The following FGFR2 variants were observed in gnomAD, a reference collection of about 807,000 sequenced individuals.
FGFR2 encodes the protein BEK fibroblast growth factor receptor.
FGFR2 carries 19 observed loss-of-function variants against 95.9 expected under a neutral mutation model. That is an observed-to-expected ratio of 0.20 (90% CI 0.14 to 0.29). The LOEUF (loss-of-function observed/expected upper bound fraction) is 0.29, where lower values mean the gene tolerates loss of function less well. Among genes scored for constraint, FGFR2 ranks in the 10% least tolerant of loss-of-function variants. The pLI is 1.00. For synonymous variants in FGFR2, 392 were observed against 393.3 expected (o/e 1.00, Z 0.04); for missense variants, 707 against 1,056.9 (o/e 0.67, Z 4.59).
At chr10:121,592,764 C>A (rs909200698) in intron 2 of FGFR2, among the ~76,000 whole-genome samples, 2 of 152,162 alleles carry the variant, frequency 1.3e-5, no homozygotes, top group Non-Finnish European at 2.9e-5. Context: ...CGGACTGCTG[C>A]GGGTTCCTAA....
intron 2 of FGFR2, among the ~76,000 whole-genome samples, chr10:121,575,012 C>A (rs1249440072): frequency 6.6e-6 from 1 of 152,242 alleles, no homozygotes; most frequent in Non-Finnish European, 1.5e-5. Flanking sequence ...CAACAGCTAA[C>A]AGCCGCCTCT....
chr10:121,531,761 C>T lies in FGFR2; in HGVS notation c.748+6831G>A, dbSNP rs543469125. Among the ~76,000 whole-genome samples, 13 of 152,170 alleles carry T rather than the reference C, an allele frequency of 8.5e-5. No individual in the cohort carries two copies. The highest frequency in any genetic ancestry group is 2.0e-4 in the Admixed American group (3 of 15,272). On this transcript the variant is annotated intron_variant, in intron 6 of 17. Coordinates refer to ENST00000358487, the MANE Select transcript of FGFR2 (RefSeq NM_000141.5). This position sits in a 1 kb window ranked among gnomAD's most constrained non-coding sequence, Gnocchi z 4.5. Reference sequence around the variant, plus strand: ...TGGAAACAGAACTTGACACCCCTCTCCACGTAATTTCCACCTGAACCTCCA... The same window carrying T: ...TGGAAACAGAACTTGACACCCCTCTTCACGTAATTTCCACCTGAACCTCCA...
intron 4 of FGFR2, among the ~76,000 whole-genome samples, chr10:121,554,081 C>T (rs542026435): frequency 6.6e-6 from 1 of 152,322 alleles, no homozygotes; most frequent in South Asian, 2.1e-4. Flanking sequence ...AAAGCTACAC[C>T]TATAAAATCT....
At chr10:121,502,711 A>ACC (rs1847755676) in intron 10 of FGFR2, among the ~76,000 whole-genome samples, 1 of 152,236 alleles carries the variant, frequency 6.6e-6, no homozygotes, top group African/African-American at 2.4e-5. Flanking sequence ...GTAGCTGCTT[A>ACC]TAAGCAAGTC....
intron 12 of FGFR2, among the ~76,000 whole-genome samples, chr10:121,497,956 C>T (rs1847098223): frequency 6.6e-6 from 1 of 152,172 alleles, no homozygotes; most frequent in Non-Finnish European, 1.5e-5. Context: ...AATTACTTAG[C>T]AAATTGATTT....
At chr10:121,532,029 C>T (rs189919575) in intron 6 of FGFR2, among the ~76,000 whole-genome samples, 8 of 152,336 alleles carry the variant, frequency 5.3e-5, no homozygotes, top group East Asian at 1.9e-4. Flanking sequence ...TTTCTGCCCC[C>T]CTCCGGTGAG....
intron 5 of FGFR2, among the ~76,000 whole-genome samples, chr10:121,547,850 G>T (rs569381774): frequency 6.6e-6 from 1 of 152,156 alleles, no homozygotes; most frequent in Admixed American, 6.5e-5. Context: ...AGCTCCCCAT[G>T]GGGGAGGCCC....
At chr10:121,555,475 C>G (rs1055134624) in intron 4 of FGFR2, among the ~76,000 whole-genome samples, 1 of 152,172 alleles carries the variant, frequency 6.6e-6, no homozygotes, top group African/African-American at 2.4e-5. Context: ...GAAGAGCGGG[C>G]TTAAAGTCAG....
chr10:121,540,752 A>T lies in FGFR2; in HGVS notation c.625-2037T>A, dbSNP rs529246462. Among the ~76,000 whole-genome samples the T allele has an allele frequency of 5.6e-4, 85 of 152,266 alleles. 1 individual carries two copies. In the South Asian group the frequency reaches 0.01, roughly 19 times the overall value. On this transcript the variant is annotated intron_variant, in intron 5 of 17. Coordinates refer to ENST00000358487, the MANE Select transcript of FGFR2 (RefSeq NM_000141.5). Reference sequence around the variant, plus strand: ...TAATCCAGCATTTATCCCTGCTGTAAATATTCAGTTCTTTGAGCCCCCGCT... The same window carrying T: ...TAATCCAGCATTTATCCCTGCTGTATATATTCAGTTCTTTGAGCCCCCGCT...
chr10:121,568,230 G>A (rs536195477), intron 2 of FGFR2, among the ~76,000 whole-genome samples: 1 of 152,064 alleles, frequency 6.6e-6, no homozygotes, highest in African/African-American at 2.4e-5. Flanking sequence ...AGCTGAAGGG[G>A]CCCCAAACGC....
intron 4 of FGFR2, among the ~76,000 whole-genome samples, chr10:121,557,319 C>A (rs948517640): frequency 6.6e-6 from 1 of 152,124 alleles, no homozygotes; most frequent in African/African-American, 2.4e-5. Flanking sequence ...GCTTTTTCTT[C>A]TTTTTAAGAG....
At position 121,551,150 on chromosome 10, in the gene FGFR2, A is replaced by G. The variant is rs3135746; in HGVS notation, c.624+140T>C. On this transcript the variant is annotated intron_variant, in intron 5 of 17. Coordinates refer to ENST00000358487, the MANE Select transcript of FGFR2 (RefSeq NM_000141.5). ...CAGGAGAATCGCTTGAACCTGGGAGATGGAGGTTGCAGTGAACCGAGATCG... is the reference window on the plus strand; with the variant it reads ...CAGGAGAATCGCTTGAACCTGGGAGGTGGAGGTTGCAGTGAACCGAGATCG... The G allele has an allele frequency of 0.042, 38,492 of 910,528 alleles. 6,088 individuals carry two copies. The African/African-American group carries it at 0.43, about 10-fold the overall frequency. The allele number at this position is 910,528 out of a possible 1,614,324, so 56.4% of individuals were successfully genotyped here. A position where few individuals can be genotyped will look rare whatever the true frequency, so the allele number is the denominator to read the frequency against.
rs554106505 is a variant in FGFR2, at chr10:121,573,758, C to T, written c.110-8054G>A. Among the ~76,000 whole-genome samples the T allele has an allele frequency of 1.1e-4, 16 of 152,148 alleles. No individual in the cohort carries two copies. The East Asian group carries it at 2.1e-3, about 20-fold the overall frequency. On this transcript the variant is annotated intron_variant, in intron 2 of 17. Coordinates refer to ENST00000358487, the MANE Select transcript of FGFR2 (RefSeq NM_000141.5). ...GGGTTGTGGGTTGCAGGAAGAAACC[C>T]GTTTGTACCTGGAGGCACAGCTGGG... is the stretch of plus-strand genomic sequence containing the variant.
At chr10:121,590,394 A>C (rs1450325945) in intron 2 of FGFR2, among the ~76,000 whole-genome samples, 2 of 152,190 alleles carry the variant, frequency 1.3e-5, no homozygotes, top group Non-Finnish European at 2.9e-5. Flanking sequence ...AAATATTTAT[A>C]ATGTTAATCA....
intron 9 of FGFR2, among the ~76,000 whole-genome samples, chr10:121,509,417 A>G (rs1184354276): frequency 1.8e-5 from 2 of 111,200 alleles, no homozygotes; most frequent in African/African-American, 6.7e-5. Context: ...TTAAGTGAGG[A>G]AGTGTTTTTT....
intron 5 of FGFR2, among the ~76,000 whole-genome samples, chr10:121,539,805 G>A (rs1853420110): frequency 6.6e-6 from 1 of 152,218 alleles, no homozygotes; most frequent in Non-Finnish European, 1.5e-5. Flanking sequence ...TACAGGCAGA[G>A]CATCTGCAAG....
At chr10:121,551,482 A>G (rs928271584) in intron 4 of FGFR2, 23 bp from the exon 5 acceptor site, 10 of 1,610,064 alleles carry the variant, frequency 6.2e-6, no homozygotes, top group Non-Finnish European at 5.9e-6. Context: ...ACAGTATTAG[A>G]ATGTATACTG....
intron 4 of FGFR2, among the ~76,000 whole-genome samples, chr10:121,563,202 C>A (rs1857216887): frequency 6.6e-6 from 1 of 152,128 alleles, no homozygotes; most frequent in African/African-American, 2.4e-5. Flanking sequence ...GGTGAAACCC[C>A]ATCTCTACTA....
intron 15 of FGFR2, 63 bp downstream of exon 15, chr10:121,487,291 A>C: frequency 1.3e-4 from 162 of 1,205,742 alleles, no homozygotes; most frequent in Non-Finnish European, 1.8e-4. Context: ...AGAAAGGTGA[A>C]GTACGTACAG....
Sources: allele counts gnomAD v4.1 joint callset (sites outside exome capture counted in the v4.1 genomes callset), GRCh38; gene constraint gnomAD v4.1.1; non-coding constraint Gnocchi (gnomAD v3.1); transcripts MANE v1.5; gene names NCBI Gene and HGNC (gene_info 2026-07-23, HGNC 2026-07-21).